RAP1A: variants seen among roughly 807,000 people sequenced by gnomAD.
RAP1A encodes the protein ras-related protein Rap-1A.
A neutral mutation model predicts 26.4 loss-of-function variants in RAP1A; 6 were observed. The observed-to-expected ratio is 0.23, with a 90% confidence interval of 0.12 to 0.45. The LOEUF (loss-of-function observed/expected upper bound fraction) is 0.45. Ranked by LOEUF, RAP1A falls within the 20% of genes least tolerant of loss-of-function variation. The pLI is 0.99. For synonymous variants in RAP1A, 73 were observed against 79.4 expected (o/e 0.92, Z 0.43); for missense variants, 121 against 217.2 (o/e 0.56, Z 2.78).
chr1:111,653,915 A>G (rs567351182), intron 1 of RAP1A, among the ~76,000 whole-genome samples: 1 of 152,272 alleles, frequency 6.6e-6, no homozygotes, highest in East Asian at 1.9e-4. Context: ...TTAAGGCATT[A>G]CTTAGGAAGG....
chr1:111,704,241 C>T, intron 5 of RAP1A, 102 bp from the exon 6 acceptor site: 1 of 1,252,614 alleles, frequency 8.0e-7, no homozygotes, highest in Non-Finnish European at 1.1e-6. Context: ...GCGGTCCCAA[C>T]TAATGCATTT....
intron 1 of RAP1A, among the ~76,000 whole-genome samples, chr1:111,609,704 C>T (rs971886729): frequency 6.6e-6 from 1 of 152,260 alleles, no homozygotes; most frequent in African/African-American, 2.4e-5. Context: ...GGCATGCTCT[C>T]GGCTCACTGC....
At chr1:111,607,562 G>C (rs1340523394) in intron 1 of RAP1A, among the ~76,000 whole-genome samples, 29 of 151,258 alleles carry the variant, frequency 1.9e-4, no homozygotes, top group Non-Finnish European at 2.2e-4. Context: ...CCGGGCAGAG[G>C]GGCTCCTCAC....
intron 1 of RAP1A, among the ~76,000 whole-genome samples, chr1:111,596,649 A>C (rs1237242201): frequency 6.6e-6 from 1 of 152,242 alleles, no homozygotes; most frequent in East Asian, 1.9e-4. Context: ...ATAGTTCTGC[A>C]GGCTGGGAAG....
chr1:111,561,058 C>T (rs550285413), intron 1 of RAP1A, among the ~76,000 whole-genome samples: 2 of 152,154 alleles, frequency 1.3e-5, no homozygotes, highest in African/African-American at 2.4e-5. Context: ...GAGGACCATA[C>T]CCTGAAGAAG....
At chr1:111,584,585 C>G (rs547544922) in intron 1 of RAP1A, among the ~76,000 whole-genome samples, 1 of 152,270 alleles carries the variant, frequency 6.6e-6, no homozygotes, top group African/African-American at 2.4e-5. Context: ...TACTATTACA[C>G]TGAGTATTAG....
At chr1:111,674,753 A>T (rs1408269346) in intron 1 of RAP1A, among the ~76,000 whole-genome samples, 1 of 152,126 alleles carries the variant, frequency 6.6e-6, no homozygotes, top group Non-Finnish European at 1.5e-5. Context: ...TTAGTAGCTT[A>T]TCAGTTATGG....
upstream of RAP1A, among the ~76,000 whole-genome samples, chr1:111,618,887 C>T (rs1000435458): frequency 2.6e-5 from 4 of 152,326 alleles, no homozygotes; most frequent in Admixed American, 1.3e-4. Flanking sequence ...GCTAGTTAGT[C>T]CAAGCTACCT....
At chr1:111,691,997 T>G (rs890553848) in intron 2 of RAP1A, among the ~76,000 whole-genome samples, 1 of 152,306 alleles carries the variant, frequency 6.6e-6, no homozygotes, top group African/African-American at 2.4e-5. Flanking sequence ...ACAGATTAAT[T>G]TAGAAGAAAG....
At chr1:111,606,863 C>A (rs984143094) in intron 1 of RAP1A, among the ~76,000 whole-genome samples, 2 of 152,128 alleles carry the variant, frequency 1.3e-5, no homozygotes, top group African/African-American at 4.8e-5. Context: ...CAAAAGCATA[C>A]TCGAATGTAG....
intron 1 of RAP1A, among the ~76,000 whole-genome samples, chr1:111,551,766 G>GTTTTTT (rs56257032): frequency 1.3e-5 from 2 of 149,160 alleles, no homozygotes; most frequent in African/African-American, 4.9e-5. Context: ...GTTTTGTTTT[G>GTTTTTT]TTTTTTTGAG....
chr1:111,677,846 A>G (rs1661175180), intron 1 of RAP1A, among the ~76,000 whole-genome samples: 1 of 152,258 alleles, frequency 6.6e-6, no homozygotes, highest in Non-Finnish European at 1.5e-5. Flanking sequence ...AAGGATATGT[A>G]TAATGAGAGG....
At chr1:111,666,460 A>T (rs1289219627) in intron 1 of RAP1A, among the ~76,000 whole-genome samples, 1 of 152,196 alleles carries the variant, frequency 6.6e-6, no homozygotes, top group Non-Finnish European at 1.5e-5. Context: ...GAAGAATTAG[A>T]TTAAAAACTC....
chr1:111,580,016 G>A (rs542607430), intron 1 of RAP1A, among the ~76,000 whole-genome samples: 6 of 152,096 alleles, frequency 3.9e-5, no homozygotes, highest in Non-Finnish European at 7.4e-5. Context: ...GGCTGGTCTC[G>A]AACTCCTGAC....
At position 111,676,649 on chromosome 1, in the gene RAP1A, C is replaced by A. The variant is rs1046434902; in HGVS notation, c.-27-14685C>A. Among the ~76,000 whole-genome samples, 4 of 152,066 alleles carry A rather than the reference C, an allele frequency of 2.6e-5. No individual in the cohort carries two copies. In the South Asian group the frequency reaches 8.3e-4, roughly 32 times the overall value. ...AATAAATATACCTATACAACTATTA[C>A]CACAATCAAGATACAGATCATTCTC... On this transcript the variant is annotated intron_variant, in intron 1 of 7. Transcript: ENST00000369709.
At chr1:111,655,007 G>C (rs79301998) in intron 1 of RAP1A, among the ~76,000 whole-genome samples, 8,254 of 151,798 alleles carry the variant, frequency 0.054, 262 homozygotes, top group South Asian at 0.087. Context: ...CTGCACTCCA[G>C]CGGTGACAGA....
At chr1:111,695,167 ACT>A (rs959220416) in intron 2 of RAP1A, among the ~76,000 whole-genome samples, 172 bp from the exon 3 acceptor site, 3 of 150,554 alleles carry the variant, frequency 2.0e-5, no homozygotes, top group African/African-American at 7.3e-5. Context: ...TAATAAATGT[ACT>A]CTTAGTTATG....
chr1:111,674,951 C>A (rs1236452477), intron 1 of RAP1A, among the ~76,000 whole-genome samples: 1 of 152,090 alleles, frequency 6.6e-6, no homozygotes, highest in African/African-American at 2.4e-5. Flanking sequence ...CAAATCTAAT[C>A]ATATTAATTG....
intron 1 of RAP1A, chr1:111,648,858 T>G: frequency 1.3e-6 from 1 of 765,482 alleles, no homozygotes; most frequent in Non-Finnish European, 2.3e-6. Context: ...GTCCTGAGAT[T>G]TGGGGGCATC....
Sources: allele counts gnomAD v4.1 joint callset (sites outside exome capture counted in the v4.1 genomes callset), GRCh38; gene constraint gnomAD v4.1.1; transcripts MANE v1.5; gene names NCBI Gene and HGNC (gene_info 2026-07-23, HGNC 2026-07-21).